TMEM229B: variants seen among roughly 807,000 people sequenced by gnomAD.
TMEM229B encodes chromosome 14 open reading frame 83.
In TMEM229B, 6 loss-of-function variants were observed where a neutral mutation model predicts 13.7. That is an observed-to-expected ratio of 0.44 (90% CI 0.24 to 0.86). The LOEUF (loss-of-function observed/expected upper bound fraction) is 0.86, where lower values mean the gene tolerates loss of function less well. TMEM229B is among the 40% of genes least tolerant of loss of function. The pLI is 0.23. For missense variants in TMEM229B, 170 were observed against 236.0 expected, an observed-to-expected ratio of 0.72 and a Z score of 1.83; for synonymous variants, 107 against 102.1, an observed-to-expected ratio of 1.05 and a Z score of -0.29.
chr14:67,496,515 G>A (rs1308962579), intron 1 of TMEM229B, among the ~76,000 whole-genome samples: 2 of 149,076 alleles, frequency 1.3e-5, no homozygotes, highest in African/African-American at 2.5e-5. Context: ...TAGGGTGTGC[G>A]ATGACTCTTG....
At chr14:67,531,431 C>A (rs2033445738) in intron 1 of TMEM229B, among the ~76,000 whole-genome samples, 1 of 152,134 alleles carries the variant, frequency 6.6e-6, no homozygotes, top group Non-Finnish European at 1.5e-5. Context: ...GCCAAGGGGT[C>A]CTGCTCAGAG....
chr14:67,500,366 C>T (rs1484746646), intron 1 of TMEM229B, among the ~76,000 whole-genome samples: 7 of 151,628 alleles, frequency 4.6e-5, no homozygotes, highest in African/African-American at 1.5e-4. Context: ...CCCAGCTACT[C>T]GGGAGGCTGA....
At chr14:67,521,031 G>A (rs920618911) in intron 1 of TMEM229B, among the ~76,000 whole-genome samples, 26 of 152,198 alleles carry the variant, frequency 1.7e-4, no homozygotes, top group African/African-American at 6.3e-4. Context: ...TCTCATCGTT[G>A]TTCTCTGTAA....
chr14:67,499,320 T>C (rs1378405647), intron 1 of TMEM229B, among the ~76,000 whole-genome samples: 1 of 152,176 alleles, frequency 6.6e-6, no homozygotes, highest in Non-Finnish European at 1.5e-5. Context: ...CTTTTATTGA[T>C]ATCAACTGGG....
At chr14:67,500,117 TCAC>T (rs2032544176) in intron 1 of TMEM229B, among the ~76,000 whole-genome samples, 2 of 152,124 alleles carry the variant, frequency 1.3e-5, no homozygotes, top group Non-Finnish European at 2.9e-5. Context: ...TGAGCTATGA[TCAC>T]ACCACTGCAC....
intron 1 of TMEM229B, among the ~76,000 whole-genome samples, chr14:67,513,752 A>T (rs895324924): frequency 4.6e-5 from 7 of 152,126 alleles, no homozygotes; most frequent in Non-Finnish European, 7.4e-5. Flanking sequence ...CTTCTGTCTC[A>T]CAGGGAAGCA....
intron 1 of TMEM229B, among the ~76,000 whole-genome samples, chr14:67,497,854 G>C (rs1307159420): frequency 1.3e-5 from 2 of 152,044 alleles, no homozygotes; most frequent in African/African-American, 4.8e-5. Flanking sequence ...TACATTCTCG[G>C]TGAGTCTATG....
At chr14:67,475,586 C>G (rs1881616258) in intron 2 of TMEM229B, among the ~76,000 whole-genome samples, 1 of 152,184 alleles carries the variant, frequency 6.6e-6, no homozygotes, top group Non-Finnish European at 1.5e-5. Context: ...TAATGGCCAT[C>G]CTAATGGGTG....
At chr14:67,479,298 C>T (rs753228754) in intron 2 of TMEM229B, among the ~76,000 whole-genome samples, 2 of 150,738 alleles carry the variant, frequency 1.3e-5, no homozygotes, top group African/African-American at 4.9e-5. Flanking sequence ...CCCAGCTACT[C>T]GGGAGGCTGA....
intron 1 of TMEM229B, among the ~76,000 whole-genome samples, chr14:67,499,339 C>T (rs2032516155): frequency 6.6e-6 from 1 of 152,160 alleles, no homozygotes; most frequent in Admixed American, 6.6e-5. Flanking sequence ...GGTACACAGA[C>T]AATGTAGTCA....
At chr14:67,511,335 G>A (rs1410205018) in intron 1 of TMEM229B, among the ~76,000 whole-genome samples, 1 of 134,982 alleles carries the variant, frequency 7.4e-6, no homozygotes, top group Non-Finnish European at 1.7e-5. Context: ...ATTGACAGCT[G>A]AAGTCTTATT....
At chr14:67,497,454 T>C (rs12898179) in intron 1 of TMEM229B, among the ~76,000 whole-genome samples, 106,151 of 151,848 alleles carry the variant, frequency 0.7, 38,155 homozygotes, top group Middle Eastern at 0.81. Flanking sequence ...CCGTCAGCAC[T>C]ATGGTAGGTG....
chr14:67,473,904 A>C lies in TMEM229B; in HGVS notation c.20T>G (p.Leu7Arg). 1 of 1,606,278 alleles carries C rather than the reference A, an allele frequency of 6.2e-7. No individual in the cohort carries two copies. Among genetic ancestry groups the C allele is most frequent in the Non-Finnish European group, 8.5e-7 (1 of 1,176,702 alleles). MASAEP[L>R]TALSRWYLYA... is the part of the protein sequence containing the mutation. ...CAGGTACCAGCGGGACAGCGCCGTCAGGGGCTCGGCAGACGCCATGGCGCC... is the reference window on the plus strand; with the variant it reads ...CAGGTACCAGCGGGACAGCGCCGTCCGGGGCTCGGCAGACGCCATGGCGCC... Residue 7 changes from leucine to arginine, a missense_variant, in exon 3 of 3, where the codon CTG (leucine) becomes CGG (arginine). By Grantham distance (102) the Leu-to-Arg change is moderately radical (BLOSUM62 -2). Around this residue, in one of 4 missense-constraint regions of TMEM229B, gnomAD observed 36 missense variants for 83.8 expected, o/e 0.43. Coordinates refer to ENST00000554480, the MANE Select transcript of TMEM229B (RefSeq NM_001348543.2). This position sits in a 1 kb window ranked among gnomAD's most constrained non-coding sequence, Gnocchi z 6.5.
chr14:67,492,189 G>A (rs1287957558), upstream of TMEM229B, among the ~76,000 whole-genome samples: 1 of 152,172 alleles, frequency 6.6e-6, no homozygotes, highest in East Asian at 1.9e-4. Flanking sequence ...GGTGGTCTCT[G>A]GTCCCACGTC....
At chr14:67,482,992 G>A (rs2031674040) in intron 2 of TMEM229B, among the ~76,000 whole-genome samples, 1 of 152,172 alleles carries the variant, frequency 6.6e-6, no homozygotes, top group African/African-American at 2.4e-5. Flanking sequence ...GAGGCAGAAA[G>A]AGGCTACGTT....
upstream of TMEM229B, among the ~76,000 whole-genome samples, chr14:67,491,597 T>A (rs1455211388): frequency 6.6e-6 from 1 of 152,190 alleles, no homozygotes; most frequent in African/African-American, 2.4e-5. Flanking sequence ...AAAGACCGAA[T>A]ACATTTCTTA....
chr14:67,485,270 C>G (rs1281780338), intron 2 of TMEM229B, among the ~76,000 whole-genome samples: 1 of 152,188 alleles, frequency 6.6e-6, no homozygotes, highest in Non-Finnish European at 1.5e-5. Context: ...TCTTTACCCC[C>G]AACTCCCCTC....
chr14:67,479,450 G>C (rs1566674970), intron 2 of TMEM229B, among the ~76,000 whole-genome samples: 1 of 150,876 alleles, frequency 6.6e-6, no homozygotes, highest in Non-Finnish European at 1.5e-5. Context: ...GGGTGCAGTA[G>C]CTCATGCCTG....
upstream of TMEM229B, among the ~76,000 whole-genome samples, chr14:67,492,887 G>A (rs143691458): frequency 1.2e-4 from 19 of 152,332 alleles, no homozygotes; most frequent in African/African-American, 4.1e-4. Flanking sequence ...TCACAGGCAG[G>A]TGGGAGATCA....
Sources: gnomAD v4.1 joint callset for allele counts (sites outside exome capture counted in the v4.1 genomes callset) on GRCh38, gnomAD v4.1.1 for gene constraint, gnomAD v4.1.1 regional missense constraint, Gnocchi (gnomAD v3.1) non-coding constraint, MANE v1.5 for transcripts, NCBI Gene and HGNC (gene_info 2026-07-23, HGNC 2026-07-21) for gene names.